The following NEGR1 variants were observed in gnomAD, a reference collection of about 807,000 sequenced individuals.
NEGR1 encodes neuronal growth regulator 1, also known as IgLON family member 4.
Under a neutral mutation model 40.9 loss-of-function variants are expected in NEGR1, and 10 were observed. That is an observed-to-expected ratio of 0.24 (90% CI 0.15 to 0.42). The LOEUF (loss-of-function observed/expected upper bound fraction) is 0.42, where lower values mean the gene tolerates loss of function less well. NEGR1 is among the 10% of genes least tolerant of loss of function. The pLI is 1.00. For missense variants in NEGR1, 352 were observed against 438.9 expected (o/e 0.80, Z 1.77); for synonymous variants, 185 against 166.8 (o/e 1.11, Z -0.84).
chr1:71,836,923 G>A (rs896504709), intron 2 of NEGR1: 31 of 152,150 alleles, frequency 2.0e-4, no homozygotes, highest in African/African-American at 7.5e-4. Flanking sequence ...GGAAGCAAGA[G>A]AGGAAGGACA....
Position 71,572,256 on chromosome 1 carries a change from T to A in NEGR1, c.940+20561A>T, listed in dbSNP as rs1173220089. On this transcript the variant is annotated intron_variant, in intron 6 of 6. Transcript: ENST00000357731. Reference sequence around the variant, plus strand: ...CATTAGTCTTGCAACACATAGCAAGTCTAAACAAAGGCAGAAAGCAGGCTG... The same window carrying A: ...CATTAGTCTTGCAACACATAGCAAGACTAAACAAAGGCAGAAAGCAGGCTG... Among the ~76,000 whole-genome samples the A allele has an allele frequency of 2.6e-5, 4 of 152,108 alleles. No homozygotes were observed. The East Asian group carries it at 7.7e-4, about 29-fold the overall frequency.
chr1:72,100,799 C>T (rs907423358), intron 1 of NEGR1: 5 of 152,106 alleles, frequency 3.3e-5, no homozygotes, highest in African/African-American at 1.2e-4. Flanking sequence ...GGTGGCTTAA[C>T]AACAGAAATG....
intron 6 of NEGR1, among the ~76,000 whole-genome samples, chr1:71,502,340 CGACCAAT>C (rs1647005130): frequency 6.6e-6 from 1 of 152,142 alleles, no homozygotes; most frequent in African/African-American, 2.4e-5. Flanking sequence ...CCATAGTACT[CGACCAAT>C]GAGGAACTGG....
At chr1:71,719,954 A>T (rs1254155379) in intron 3 of NEGR1, among the ~76,000 whole-genome samples, 1 of 152,186 alleles carries the variant, frequency 6.6e-6, no homozygotes, top group African/African-American at 2.4e-5. Context: ...TGTACTCAAC[A>T]TAATGGATAT....
At chr1:71,630,823 G>A (rs188471055) in intron 4 of NEGR1, among the ~76,000 whole-genome samples, 148 of 151,940 alleles carry the variant, frequency 9.7e-4, no homozygotes, top group African/African-American at 3.3e-3. Context: ...TAGAAAATAT[G>A]CTAAAACACT....
rs541233295 is a variant in NEGR1, at chr1:71,855,560, C to A, written c.410-79263G>T. On this transcript the variant is annotated intron_variant, in intron 2 of 6. Coordinates refer to ENST00000357731, the MANE Select transcript of NEGR1 (RefSeq NM_173808.3). ...ATTAATTGAAAAAGAGGTTTCATACCGAGACCTGGAAAGTATTGAGAACAA... is the reference window on the plus strand; with the variant it reads ...ATTAATTGAAAAAGAGGTTTCATACAGAGACCTGGAAAGTATTGAGAACAA... Among the ~76,000 whole-genome samples, 8 of 151,712 alleles carry A rather than the reference C, an allele frequency of 5.3e-5. 1 individual carries two copies. Among genetic ancestry groups the A allele is most frequent in the African/African-American group, 1.9e-4 (8 of 41,392 alleles).
At chr1:71,552,017 G>C (rs999210789) in intron 6 of NEGR1, among the ~76,000 whole-genome samples, 8 of 151,292 alleles carry the variant, frequency 5.3e-5, no homozygotes, top group Non-Finnish European at 8.9e-5. Context: ...CTAGAGTCAG[G>C]CTTCTCCTAA....
intron 4 of NEGR1, among the ~76,000 whole-genome samples, chr1:71,646,603 G>T (rs1651539277): frequency 6.6e-6 from 1 of 151,896 alleles, no homozygotes; most frequent in South Asian, 2.1e-4. Context: ...TTTGAGGAAT[G>T]AAAATAATTA....
chr1:71,896,741 C>A (rs1473466244), intron 2 of NEGR1, among the ~76,000 whole-genome samples: 2 of 152,160 alleles, frequency 1.3e-5, no homozygotes, highest in East Asian at 3.9e-4. Context: ...ATGTAGGGGT[C>A]TGATTTTAAT....
intron 1 of NEGR1, among the ~76,000 whole-genome samples, chr1:71,958,458 C>T (rs567428706): frequency 2.4e-4 from 37 of 152,206 alleles, no homozygotes; most frequent in Middle Eastern, 3.4e-3. Flanking sequence ...AAGGAAAGGA[C>T]GAAGAGGAGA....
At chr1:71,434,423 C>T (rs1174679727) in intron 6 of NEGR1, among the ~76,000 whole-genome samples, 1 of 151,944 alleles carries the variant, frequency 6.6e-6, no homozygotes, top group Admixed American at 6.5e-5. Flanking sequence ...TTTGTAGCCA[C>T]TTCCTGTTGC....
chr1:72,239,120 TAAG>T (rs1557593017), intron 1 of NEGR1, among the ~76,000 whole-genome samples: 2 of 151,594 alleles, frequency 1.3e-5, no homozygotes. Context: ...ATTTTTCAAA[TAAG>T]AAAAAAATAA....
chr1:71,756,743 G>A (rs902021574), intron 3 of NEGR1, among the ~76,000 whole-genome samples: 1 of 151,896 alleles, frequency 6.6e-6, no homozygotes, highest in African/African-American at 2.4e-5. Flanking sequence ...GAATGACAAT[G>A]CTATGATGAT....
At chr1:71,646,221 CACAT>C (rs1412522785) in intron 4 of NEGR1, among the ~76,000 whole-genome samples, 2 of 151,164 alleles carry the variant, frequency 1.3e-5, no homozygotes, top group African/African-American at 4.9e-5. Flanking sequence ...TATACATAAA[CACAT>C]ATATATACAT....
intron 4 of NEGR1, among the ~76,000 whole-genome samples, chr1:71,632,092 C>T (rs1262398061): frequency 6.6e-6 from 1 of 151,550 alleles, no homozygotes; most frequent in East Asian, 1.9e-4. Flanking sequence ...ATAACAAACT[C>T]TTGAAAATGA....
chr1:71,583,236 GA>G (rs1649194323), intron 6 of NEGR1, among the ~76,000 whole-genome samples: 1 of 152,002 alleles, frequency 6.6e-6, no homozygotes, highest in Admixed American at 6.6e-5. Context: ...ATAAGACAGG[GA>G]AAAGAATTAA....
At chr1:71,772,385 C>A (rs540023664) in intron 3 of NEGR1, among the ~76,000 whole-genome samples, 1 of 151,436 alleles carries the variant, frequency 6.6e-6, no homozygotes, top group South Asian at 2.1e-4. Flanking sequence ...GTCTAGGCGA[C>A]AGAGTGAGAC....
At chr1:71,987,762 T>C (rs1221442232) in intron 1 of NEGR1, among the ~76,000 whole-genome samples, 1 of 138,602 alleles carries the variant, frequency 7.2e-6, no homozygotes, top group Non-Finnish European at 1.5e-5. Flanking sequence ...AATAATATGA[T>C]GAATTGAAGA....
At chr1:71,913,099 C>A (rs951419749) in intron 2 of NEGR1, among the ~76,000 whole-genome samples, 2 of 152,004 alleles carry the variant, frequency 1.3e-5, no homozygotes, top group African/African-American at 2.4e-5. Context: ...TGGAAGCAAT[C>A]ATTTTTAATT....
Sources: gnomAD v4.1 joint callset for allele counts (sites outside exome capture counted in the v4.1 genomes callset) on GRCh38, gnomAD v4.1.1 for gene constraint, MANE v1.5 for transcripts, NCBI Gene and HGNC (gene_info 2026-07-23, HGNC 2026-07-21) for gene names.